RGS12: variants seen among roughly 807,000 people sequenced by gnomAD.
RGS12 encodes the protein regulator of G protein signaling 12.
Under a neutral mutation model 120.1 loss-of-function variants are expected in RGS12, and 66 were observed. The observed-to-expected ratio is 0.55, with a 90% CI of 0.45 to 0.67. The LOEUF is 0.67. RGS12 is among the 30% of genes least tolerant of loss of function. RGS12 has a pLI of 0.00. For missense variants in RGS12, 1,859 were observed against 1,957.7 expected (o/e 0.95, Z 0.95); for synonymous variants, 827 against 804.7 (o/e 1.03, Z -0.47).
intron 13 of RGS12, among the ~76,000 whole-genome samples, chr4:3,425,060 C>T (rs568345396): frequency 2.6e-5 from 4 of 152,352 alleles, no homozygotes; most frequent in East Asian, 3.9e-4. Flanking sequence ...TGGCTAGTGG[C>T]GCTTCATTTC....
intron 4 of RGS12, chr4:3,413,076 A>G (rs1203117): frequency 0.1 from 254 of 2,466 alleles, 57 homozygotes; most frequent in African/African-American, 0.35. Context: ...CACACTGCTC[A>G]CGTCAGGAGG....
chr4:3,362,275 A>T (rs1326884660), intron 3 of RGS12, among the ~76,000 whole-genome samples: 1 of 152,124 alleles, frequency 6.6e-6, no homozygotes, highest in Admixed American at 6.5e-5. Flanking sequence ...TGCGAGTGCC[A>T]GGTTGAGGGG....
At chr4:3,318,080 GA>G (rs1461439213) in intron 2 of RGS12, 29 bp downstream of exon 2, 2 of 1,562,278 alleles carry the variant, frequency 1.3e-6, no homozygotes, top group Non-Finnish European at 1.7e-6. Flanking sequence ...ACTCAGCGCG[GA>G]GGCCCGGCCT....
chr4:3,432,209 C>A, intron 17 of RGS12: 1 of 963,240 alleles, frequency 1.0e-6, no homozygotes, highest in Non-Finnish European at 1.2e-6. Context: ...TCATTTGAAA[C>A]TTTGTTTCCA....
At chr4:3,414,321 A>G in intron 5 of RGS12, 80 bp downstream of exon 5, 1 of 1,430,278 alleles carries the variant, frequency 7.0e-7, no homozygotes, top group Non-Finnish European at 9.3e-7. Flanking sequence ...GGGCCGCCCT[A>G]GAGACAGCGG....
At chr4:3,439,360 A>AT in intron 17 of RGS12, 95 bp from the exon 18 acceptor site, 1 of 1,227,044 alleles carries the variant, frequency 8.1e-7, no homozygotes, top group South Asian at 1.2e-5. Flanking sequence ...GACCCCTACC[A>AT]TGCTGTCTGT....
chr4:3,375,727 CCCTCATCTCCAGCCCTCATCTCCAG>C (rs1374711539), intron 3 of RGS12, among the ~76,000 whole-genome samples: 14,649 of 124,264 alleles, frequency 0.12, 1,579 homozygotes, highest in South Asian at 0.18. Flanking sequence ...TCATCTCCAG[CCCTCATCTCCAGCCCTCATCTCCAG>C]CCTCATCTCC....
chr4:3,428,315 G>A, intron 15 of RGS12, 146 bp downstream of exon 15: 2 of 863,226 alleles, frequency 2.3e-6, no homozygotes, highest in Non-Finnish European at 3.9e-6. Context: ...TCTCGTCCCT[G>A]CCGATGCCCA....
intron 3 of RGS12, among the ~76,000 whole-genome samples, chr4:3,346,044 C>T (rs183022562): frequency 2.0e-5 from 3 of 152,096 alleles, no homozygotes; most frequent in Non-Finnish European, 4.4e-5. Context: ...CATGCCCCGA[C>T]CTGTTTTCTT....
At chr4:3,340,236 G>A (rs1372507332) in intron 2 of RGS12, among the ~76,000 whole-genome samples, 1 of 152,204 alleles carries the variant, frequency 6.6e-6, no homozygotes, top group Non-Finnish European at 1.5e-5. Context: ...GCCGGGCGCT[G>A]TGCTGGGCAG....
At chr4:3,318,898 G>A (rs1215213956) in intron 2 of RGS12, among the ~76,000 whole-genome samples, 1 of 152,198 alleles carries the variant, frequency 6.6e-6, no homozygotes, top group Non-Finnish European at 1.5e-5. Flanking sequence ...CAGGTGATGG[G>A]GGTGGGCACT....
Position 3,297,471 on chromosome 4 carries a change from C to G in RGS12, c.-102+4372C>G, listed in dbSNP as rs1394097518. Among the ~76,000 whole-genome samples, 4 of 152,334 alleles carry G rather than the reference C, an allele frequency of 2.6e-5. No individual in the cohort carries two copies. In the East Asian group the frequency reaches 7.7e-4, roughly 29 times the overall value. On this transcript the variant is annotated intron_variant, in intron 1 of 17. Transcript: ENST00000336727. ...AAAGGCCGTGGGGAGGTTTAGCTCT[C>G]CTCTGTCCCACCAGCCTCCCTGTCC...
At chr4:3,415,108 G>T (rs1238988966) in intron 6 of RGS12, among the ~76,000 whole-genome samples, 4 of 143,470 alleles carry the variant, frequency 2.8e-5, no homozygotes, top group African/African-American at 7.9e-5. Context: ...GAGAGGTCGC[G>T]TGTGAGAGGG....
At chr4:3,338,260 A>G (rs1712692179) in intron 2 of RGS12, among the ~76,000 whole-genome samples, 1 of 152,200 alleles carries the variant, frequency 6.6e-6, no homozygotes, top group Admixed American at 6.5e-5. Context: ...GGGTTTCTCC[A>G]TGTTGGTCAG....
At chr4:3,361,436 A>C (rs1715549190) in intron 3 of RGS12, among the ~76,000 whole-genome samples, 1 of 152,180 alleles carries the variant, frequency 6.6e-6, no homozygotes, top group African/African-American at 2.4e-5. Context: ...CGCCCTTTTG[A>C]ATGGCTGGGG....
In RGS12 at chr4:3,433,452, T is replaced by C. The variant is rs1198006329; in HGVS notation, c.4114+2497T>C. Among the ~76,000 whole-genome samples the C allele has an allele frequency of 6.6e-6, 1 of 152,016 alleles. No homozygotes were observed. On this transcript the variant is annotated intron_variant, in intron 17 of 17. Coordinates refer to ENST00000336727, the MANE Select transcript of RGS12 (RefSeq NM_001394154.1). This position sits in a 1 kb window ranked among gnomAD's most constrained non-coding sequence, Gnocchi z 4.4. ...CTCAGTGCCATGCACTGTGCCACCC[T>C]GTCCTAGCCCCAGTGCCACATGCCA...
At chr4:3,297,800 A>G (rs1373767956) in intron 1 of RGS12, among the ~76,000 whole-genome samples, 1 of 152,034 alleles carries the variant, frequency 6.6e-6, no homozygotes, top group Non-Finnish European at 1.5e-5. Flanking sequence ...GCTGTCCTCC[A>G]TCTGTGGGGC....
At chr4:3,337,957 G>C (rs149811122) in intron 2 of RGS12, among the ~76,000 whole-genome samples, 2 of 152,226 alleles carry the variant, frequency 1.3e-5, no homozygotes, top group Non-Finnish European at 2.9e-5. Flanking sequence ...GACCTTGCAC[G>C]GACTTGCTTC....
rs1344780894 is a variant in RGS12 at position 3,365,363 on chromosome 4, G to A, written c.1999-21053G>A. On this transcript the variant is annotated intron_variant, in intron 3 of 17. Coordinates refer to ENST00000336727, the MANE Select transcript of RGS12 (RefSeq NM_001394154.1). The surrounding 1 kb of genome is among the most constrained non-coding windows in gnomAD (Gnocchi z 4.0). ...TTTACAGGGAGTCTGGAGGGAGGAG[G>A]GAGACAGGTGAGAGGAGGGAGGGAG... 2.0e-5 allele frequency among the ~76,000 whole-genome samples: 3 copies of A among 152,096 alleles called. No homozygotes were observed.
Sources: allele counts gnomAD v4.1 joint callset (sites outside exome capture counted in the v4.1 genomes callset), GRCh38; gene constraint gnomAD v4.1.1; non-coding constraint Gnocchi (gnomAD v3.1); transcripts MANE v1.5; gene names NCBI Gene and HGNC (gene_info 2026-07-23, HGNC 2026-07-21).